EVC2: variants seen among roughly 807,000 people sequenced by gnomAD.
EVC2 encodes the protein limbin.
In EVC2, 148 loss-of-function variants were observed where a neutral mutation model predicts 149.3. The observed-to-expected ratio is 0.99, with a 90% CI of 0.87 to 1.14. The LOEUF (loss-of-function observed/expected upper bound fraction) is 1.14, where lower values mean the gene tolerates loss of function less well. Among genes scored for constraint, EVC2 ranks in the 50% most tolerant of loss-of-function variants. EVC2 has a pLI of 0.00. For synonymous variants in EVC2, 776 were observed against 649.9 expected, an observed-to-expected ratio of 1.19 and a Z score of -2.95; for missense variants, 1,854 against 1,627.3, an observed-to-expected ratio of 1.14 and a Z score of -2.40.
At chr4:5,673,519 A>ACCTCATTG (rs1246170107) in intron 7 of EVC2, among the ~76,000 whole-genome samples, 2 of 151,824 alleles carry the variant, frequency 1.3e-5, no homozygotes, top group South Asian at 4.2e-4. Flanking sequence ...TTTACCTTAA[A>ACCTCATTG]CCTCATTGTC....
chr4:5,533,802 G>A, the EVC2 span, among the ~76,000 whole-genome samples: 21,695 of 152,172 alleles, frequency 0.14, 2,283 homozygotes, highest in East Asian at 0.57. Flanking sequence ...CCTACTGGAG[G>A]AGGTGATATC....
intron 2 of EVC2, 26 bp from the exon 3 acceptor site, chr4:5,694,527 T>C (rs200342864): frequency 1.3e-3 from 2,023 of 1,613,990 alleles, no homozygotes; most frequent in Non-Finnish European, 1.6e-3. Context: ...ACACCCGTTT[T>C]ATATAATGCG....
the EVC2 span, among the ~76,000 whole-genome samples, chr4:5,529,817 T>C: frequency 9.3e-6 from 1 of 107,600 alleles, no homozygotes; most frequent in Middle Eastern, 4.2e-3. This position sits in a 1 kb window ranked among gnomAD's most constrained non-coding sequence, Gnocchi z 4.5. Context: ...TTATTTAGGT[T>C]TTTTTTTTTT....
rs114025234 is a variant in EVC2, at chr4:5,641,079, T to A, written c.1146-241A>T. Among the ~76,000 whole-genome samples, 2,940 of 152,296 alleles carry A rather than the reference T, an allele frequency of 0.019. 75 individuals are homozygous for A. Among genetic ancestry groups the A allele is most frequent in the Non-Finnish European group, 0.019 (1,326 of 68,022 alleles). On this transcript the variant is annotated intron_variant, in intron 9 of 21. Coordinates refer to ENST00000344408, the MANE Select transcript of EVC2 (RefSeq NM_147127.5). ...AAAAGAATATAATCAATATAAGACATGTTTCTGTCAACAAGTAACAAGTCA... is the reference window on the plus strand; with the variant it reads ...AAAAGAATATAATCAATATAAGACAAGTTTCTGTCAACAAGTAACAAGTCA...
intron 3 of EVC2, among the ~76,000 whole-genome samples, chr4:5,692,873 C>CAAAA (rs1162271018): frequency 4.0e-4 from 15 of 37,132 alleles, no homozygotes; most frequent in African/African-American, 6.6e-4. Context: ...GACTCCGTCT[C>CAAAA]AAAAAAAAAA....
intron 13 of EVC2, 66 bp from the exon 14 acceptor site, chr4:5,623,057 C>A: frequency 7.0e-7 from 1 of 1,438,834 alleles, no homozygotes. Flanking sequence ...TTGGCTGAAA[C>A]ACTTTGTTGC....
At chr4:5,626,614 G>A (rs879398074) in intron 12 of EVC2, among the ~76,000 whole-genome samples, 4 of 152,128 alleles carry the variant, frequency 2.6e-5, no homozygotes, top group Admixed American at 1.3e-4. Flanking sequence ...GATTACAGGC[G>A]TGAGCTACTG....
At position 5,663,217 on chromosome 4, in the gene EVC2, G is replaced by C. The variant is rs1719022666; in HGVS notation, c.1035C>G (p.Pro345=). The C allele has an allele frequency of 1.2e-6, 2 of 1,614,022 alleles. No individual in the cohort carries two copies. Among genetic ancestry groups the C allele is most frequent in the Non-Finnish European group, 1.7e-6 (2 of 1,180,012 alleles). Residue 345 remains proline (P), a synonymous_variant, in exon 9 of 22, where the codon CCC becomes CCG. Coordinates refer to ENST00000344408, the MANE Select transcript of EVC2 (RefSeq NM_147127.5). The part of the protein sequence containing the change: ...RVWQYESKLE[P]LPFTSADGVN... ...CGCCATCAGCTGAGGTGAACGGCAA[G>C]GGTTCCAGCTTGCTCTCATACTGCC... is the stretch of plus-strand genomic sequence containing the variant.
intron 1 of EVC2, 91 bp downstream of exon 1, chr4:5,708,195 C>T: frequency 2.6e-6 from 3 of 1,164,428 alleles, no homozygotes; most frequent in Non-Finnish European, 2.3e-6. Flanking sequence ...TCATTCTTTG[C>T]GAAATACTAA....
chr4:5,575,021 G>C (rs1261540643), intron 18 of EVC2, among the ~76,000 whole-genome samples: 1 of 152,182 alleles, frequency 6.6e-6, no homozygotes, highest in Admixed American at 6.5e-5. Context: ...GAGCTATAAG[G>C]AGACTTTCCT....
rs79213173 is a variant in EVC2, at chr4:5,703,127, A to G, written c.228+5159T>C. ...ACTGTATAGCAAAACCAATTTTACCATAGGCTAGTTAATACAGACAAGAGC... is the reference window on the plus strand; with the variant it reads ...ACTGTATAGCAAAACCAATTTTACCGTAGGCTAGTTAATACAGACAAGAGC... On this transcript the variant is annotated intron_variant, in intron 1 of 21. Transcript: ENST00000344408. 1.9e-3 allele frequency among the ~76,000 whole-genome samples: 291 copies of G among 152,364 alleles called. 2 individuals carry two copies. The highest frequency in any genetic ancestry group is 6.5e-3 in the African/African-American group (270 of 41,588).
At chr4:5,641,339 T>C (rs141647737) in intron 9 of EVC2, among the ~76,000 whole-genome samples, 62 of 152,264 alleles carry the variant, frequency 4.1e-4, no homozygotes, top group Middle Eastern at 3.4e-3. Flanking sequence ...TCACACTGTA[T>C]CAACGTTGAT....
At chr4:5,552,341 A>C (rs773724821) in intron 21 of EVC2, among the ~76,000 whole-genome samples, 3 of 152,240 alleles carry the variant, frequency 2.0e-5, no homozygotes, top group Non-Finnish European at 4.4e-5. Context: ...ATTTTTATTT[A>C]AAGCTGAGCC....
chr4:5,530,927 A>G, the EVC2 span, among the ~76,000 whole-genome samples: 1 of 152,220 alleles, frequency 6.6e-6, no homozygotes, highest in Admixed American at 6.5e-5. Flanking sequence ...GCTACTTACC[A>G]TGCTGAGCAG....
chr4:5,612,480 G>A (rs377056684), intron 16 of EVC2, among the ~76,000 whole-genome samples: 1 of 152,342 alleles, frequency 6.6e-6, no homozygotes, highest in Admixed American at 6.5e-5. Context: ...AGGGATTGGA[G>A]CTGGGCTTTA....
chr4:5,631,031 C>A lies in EVC2; in HGVS notation c.1710+762G>T, dbSNP rs1390643610. On this transcript the variant is annotated intron_variant, in intron 11 of 21. Coordinates refer to ENST00000344408, the MANE Select transcript of EVC2 (RefSeq NM_147127.5). ...ACTTGTGCATGTAAAATCCCTCACACAGGCCTCCTAAGAATTTCCACAGTG... is the reference window on the plus strand; with the variant it reads ...ACTTGTGCATGTAAAATCCCTCACAAAGGCCTCCTAAGAATTTCCACAGTG... Among the ~76,000 whole-genome samples, 3 of 152,182 alleles carry A rather than the reference C, an allele frequency of 2.0e-5. 1 individual carries two copies. Among genetic ancestry groups the A allele is most frequent in the Non-Finnish European group, 4.4e-5 (3 of 68,038 alleles).
downstream of EVC2, chr4:5,542,748 G>A (rs778703930): frequency 4.5e-5 from 9 of 199,834 alleles, no homozygotes; most frequent in Non-Finnish European, 8.2e-5. Flanking sequence ...CACATGAAGT[G>A]CTACTCACAG....
intron 15 of EVC2, among the ~76,000 whole-genome samples, chr4:5,617,333 C>G (rs1376710888): frequency 6.6e-6 from 1 of 152,184 alleles, no homozygotes; most frequent in Non-Finnish European, 1.5e-5. Context: ...TACCTCTTAG[C>G]ACTGCTGTGA....
chr4:5,687,333 T>C (rs1010736421), intron 5 of EVC2, among the ~76,000 whole-genome samples: 4 of 152,164 alleles, frequency 2.6e-5, no homozygotes, highest in Non-Finnish European at 5.9e-5. Flanking sequence ...GGGAGCACTT[T>C]CCACAGCCGG....
Sources: allele counts gnomAD v4.1 joint callset (sites outside exome capture counted in the v4.1 genomes callset), GRCh38; gene constraint gnomAD v4.1.1; non-coding constraint Gnocchi (gnomAD v3.1); transcripts MANE v1.5; gene names NCBI Gene and HGNC (gene_info 2026-07-23, HGNC 2026-07-21).